The following CD2AP variants were observed in gnomAD, a reference collection of about 807,000 sequenced individuals.
The protein encoded by CD2AP is CD2-associated protein.
In CD2AP, 46 loss-of-function variants were observed where a neutral mutation model predicts 85.1. That is an observed-to-expected ratio of 0.54 (90% confidence interval 0.43 to 0.69). CD2AP has a LOEUF of 0.69. Among genes scored for constraint, CD2AP ranks in the 30% least tolerant of loss-of-function variants. CD2AP has a pLI of 0.00. For synonymous variants in CD2AP, 255 were observed against 252.9 expected, an observed-to-expected ratio of 1.01 and a Z score of -0.08; for missense variants, 769 against 729.5, an observed-to-expected ratio of 1.05 and a Z score of -0.62.
chr6:47,603,416 A>G (rs536236000), intron 13 of CD2AP, among the ~76,000 whole-genome samples: 36 of 152,192 alleles, frequency 2.4e-4, no homozygotes, highest in Non-Finnish European at 3.7e-4. Context: ...TTATAACTAC[A>G]TTATGAGATG....
chr6:47,621,439 G>A (rs1304935165), intron 17 of CD2AP, among the ~76,000 whole-genome samples: 1 of 152,130 alleles, frequency 6.6e-6, no homozygotes, highest in African/African-American at 2.4e-5. Flanking sequence ...GTCAGATTTG[G>A]TTAGCTAGTA....
At chr6:47,555,270 A>C (rs1767649991) in intron 5 of CD2AP, among the ~76,000 whole-genome samples, 1 of 152,216 alleles carries the variant, frequency 6.6e-6, no homozygotes, top group African/African-American at 2.4e-5. Context: ...TCACCATTTA[A>C]GAGTATGATT....
chr6:47,545,165 G>A (rs1285479997), intron 4 of CD2AP: 3 of 171,042 alleles, frequency 1.8e-5, no homozygotes, highest in Non-Finnish European at 3.7e-5. Context: ...CAGGAGGCAG[G>A]ACTAGACTGC....
intron 8 of CD2AP, 24 bp downstream of exon 8, chr6:47,577,127 G>T: frequency 4.4e-6 from 5 of 1,145,630 alleles, no homozygotes; most frequent in South Asian, 3.7e-5. Context: ...GTTTTTCAGT[G>T]AATTGCTTAA....
At chr6:47,596,186 A>G (rs937483004) in intron 12 of CD2AP, among the ~76,000 whole-genome samples, 160 bp downstream of exon 12, 2 of 152,134 alleles carry the variant, frequency 1.3e-5, no homozygotes, top group Non-Finnish European at 2.9e-5. Flanking sequence ...ATTGTATACA[A>G]CATGATGTTT....
chr6:47,574,943 T>C (rs76152299), intron 6 of CD2AP, among the ~76,000 whole-genome samples: 6,770 of 152,276 alleles, frequency 0.044, 183 homozygotes, highest in East Asian at 0.065. Context: ...GAAGAAATTA[T>C]AGTATTTCAG....
chr6:47,564,196 A>T (rs1193379139), intron 5 of CD2AP, among the ~76,000 whole-genome samples: 1 of 152,174 alleles, frequency 6.6e-6, no homozygotes, highest in Non-Finnish European at 1.5e-5. Flanking sequence ...TGGGGCATTC[A>T]TCTCTTAGCA....
intron 1 of CD2AP, among the ~76,000 whole-genome samples, chr6:47,501,624 T>G (rs1193287432): frequency 6.6e-6 from 1 of 152,094 alleles, no homozygotes; most frequent in Non-Finnish European, 1.5e-5. Flanking sequence ...CTTTCCTTTT[T>G]TTTTTTGGTG....
At chr6:47,496,600 A>G (rs1021481369) in intron 1 of CD2AP, among the ~76,000 whole-genome samples, 5 of 152,202 alleles carry the variant, frequency 3.3e-5, no homozygotes, top group Non-Finnish European at 7.3e-5. Context: ...TTTAATATTT[A>G]CTGCTTAAAA....
chr6:47,616,372 G>T (rs1476088991), intron 17 of CD2AP, among the ~76,000 whole-genome samples: 1 of 152,100 alleles, frequency 6.6e-6, no homozygotes, highest in East Asian at 1.9e-4. Context: ...GGGATTACAG[G>T]CATGAGCCAC....
At chr6:47,507,530 A>G (rs1487227565) in intron 2 of CD2AP, among the ~76,000 whole-genome samples, 3 of 152,108 alleles carry the variant, frequency 2.0e-5, no homozygotes, top group Non-Finnish European at 4.4e-5. Context: ...CCCAGGTTCA[A>G]GCGATTCTCC....
chr6:47,487,655 A>G lies in CD2AP; in HGVS notation c.4+9407A>G, dbSNP rs572055791. ...CAGTGAGCTGAGATCGCGCCACTGC[A>G]CTCCAGCCTGGGTGACAGAGCGAGA... is the stretch of plus-strand genomic sequence containing the variant. On this transcript the variant is annotated intron_variant, in intron 1 of 17. Transcript: ENST00000359314. 2.6e-5 allele frequency among the ~76,000 whole-genome samples: 4 copies of G among 152,226 alleles called. No individual in the cohort carries two copies. In the South Asian group the frequency reaches 8.3e-4, roughly 32 times the overall value.
chr6:47,535,576 C>T (rs1767017214), intron 3 of CD2AP, among the ~76,000 whole-genome samples: 3 of 152,106 alleles, frequency 2.0e-5, no homozygotes, highest in Non-Finnish European at 2.9e-5. Flanking sequence ...TGGACCAATT[C>T]TAGGGTTCTA....
chr6:47,582,377 C>A (rs1768504139), intron 11 of CD2AP: 1 of 212,752 alleles, frequency 4.7e-6, no homozygotes, highest in African/African-American at 2.3e-5. Context: ...TTAAAAAATT[C>A]CTTAGAATGT....
chr6:47,486,653 T>C (rs980652712), intron 1 of CD2AP, among the ~76,000 whole-genome samples: 1 of 152,212 alleles, frequency 6.6e-6, no homozygotes, highest in Non-Finnish European at 1.5e-5. Flanking sequence ...GAGCTGATCC[T>C]TTCAGATGTG....
rs146444716 is a variant in CD2AP at position 47,609,163 on chromosome 6, C to G, written c.1673C>G (p.Ala558Gly). Residue 558 changes from alanine to glycine, a missense_variant, in exon 16 of 18, where the codon GCA becomes GGA. Coordinates refer to ENST00000359314, the MANE Select transcript of CD2AP (RefSeq NM_012120.3). Reference protein sequence around the residue: ...YLSTPSSASKANTTAFLTPLE... With the variant: ...YLSTPSSASKGNTTAFLTPLE... ...TCAACACCTTCCAGTGCTTCTAAAGCAAATACAACTGCTTTCCTGACTCCA... is the reference window on the plus strand; with the variant it reads ...TCAACACCTTCCAGTGCTTCTAAAGGAAATACAACTGCTTTCCTGACTCCA... The G allele has an allele frequency of 6.2e-7, 1 of 1,613,250 alleles. No individual in the cohort carries two copies.
At chr6:47,511,401 G>A (rs970658862) in intron 2 of CD2AP, among the ~76,000 whole-genome samples, 2 of 152,164 alleles carry the variant, frequency 1.3e-5, no homozygotes, top group Non-Finnish European at 2.9e-5. Flanking sequence ...AGAGGCAAAG[G>A]AGACATAATA....
rs867290501 is a variant in CD2AP, at chr6:47,550,471, G to A, written c.421-4175G>A. 2.0e-5 allele frequency among the ~76,000 whole-genome samples: 3 copies of A among 152,004 alleles called. No homozygotes were observed. The South Asian group carries it at 6.2e-4, about 31-fold the overall frequency. ...ATGTTCAACATCACCAATTATCAGG[G>A]AAATGCAAATCAAAACCACAATGTG... On this transcript the variant is annotated intron_variant, in intron 4 of 17. Transcript: ENST00000359314.
chr6:47,533,869 C>A, intron 3 of CD2AP, 114 bp downstream of exon 3: 1 of 1,033,530 alleles, frequency 9.7e-7, no homozygotes, highest in Non-Finnish European at 1.4e-6. Flanking sequence ...ACAGTAACTT[C>A]CTGCAAAGTC....
Sources: gnomAD v4.1 joint callset for allele counts (sites outside exome capture counted in the v4.1 genomes callset) on GRCh38, gnomAD v4.1.1 for gene constraint, MANE v1.5 for transcripts, NCBI Gene and HGNC (gene_info 2026-07-23, HGNC 2026-07-21) for gene names.